DTNB: variants seen among roughly 807,000 people sequenced by gnomAD.
DTNB encodes dystrobrevin beta, also known as DTN-B.
In DTNB, 63 loss-of-function variants were observed where a neutral mutation model predicts 90.7. The ratio of observed to expected loss-of-function variants is 0.69; its 90% CI spans 0.57 to 0.86. The LOEUF (loss-of-function observed/expected upper bound fraction) is 0.86, where lower values mean the gene tolerates loss of function less well. Among genes scored for constraint, DTNB ranks in the 40% least tolerant of loss-of-function variants. The pLI is 0.00. For missense variants in DTNB, 744 were observed against 807.1 expected (o/e 0.92, Z 0.95); for synonymous variants, 277 against 286.7 (o/e 0.97, Z 0.34).
intron 1 of DTNB, among the ~76,000 whole-genome samples, chr2:25,662,420 GA>G (rs1365028377): frequency 6.6e-6 from 1 of 152,014 alleles, no homozygotes; most frequent in Non-Finnish European, 1.5e-5. Context: ...AGTTACAAGA[GA>G]ATACATAAAA....
intron 6 of DTNB, among the ~76,000 whole-genome samples, chr2:25,587,120 G>A (rs555843521): frequency 1.6e-4 from 25 of 152,256 alleles, no homozygotes; most frequent in South Asian, 6.2e-4. Context: ...CAGGAATGGC[G>A]GTGAAAAGGT....
At chr2:25,615,909 T>C (rs964124550) in intron 4 of DTNB, among the ~76,000 whole-genome samples, 3 of 152,202 alleles carry the variant, frequency 2.0e-5, no homozygotes, top group Admixed American at 6.5e-5. Flanking sequence ...CCTGTTCTTA[T>C]GTTGAAAAAG....
At chr2:25,507,513 T>G (rs2072752121) in intron 9 of DTNB, among the ~76,000 whole-genome samples, 2 of 152,154 alleles carry the variant, frequency 1.3e-5, no homozygotes, top group Non-Finnish European at 2.9e-5. Flanking sequence ...TGACCTCTCC[T>G]TCTCACTCTC....
At chr2:25,427,717 G>T in intron 14 of DTNB, 86 bp from the exon 15 acceptor site, 1 of 1,272,254 alleles carries the variant, frequency 7.9e-7, no homozygotes, top group Non-Finnish European at 1.1e-6. Flanking sequence ...ACCTGATCCT[G>T]CTACTTACCA....
Position 25,673,480 on chromosome 2 carries a change from A to C in DTNB, c.-96T>G, listed in dbSNP as rs2086604478. On this transcript the variant is annotated 5_prime_UTR_variant, in exon 1 of 21. Transcript: ENST00000406818. Reference sequence around the variant, plus strand: ...CCGGCCCAGCCCCCTCGGCTGAGGCAGCGGCAGCGCCTACTCAGGCCCCGG... The same window carrying C: ...CCGGCCCAGCCCCCTCGGCTGAGGCCGCGGCAGCGCCTACTCAGGCCCCGG... 6.6e-6 allele frequency: 1 copy of C among 150,908 alleles called. No individual in the cohort carries two copies. The highest frequency in any genetic ancestry group is 1.5e-5 in the Non-Finnish European group (1 of 67,576). The allele number at this position is 150,908 out of a possible 1,614,324, so 9.3% of individuals were successfully genotyped here.
intron 3 of DTNB, among the ~76,000 whole-genome samples, chr2:25,636,564 A>AT: frequency 6.6e-6 from 1 of 152,284 alleles, no homozygotes; most frequent in Admixed American, 6.5e-5. Context: ...ACAGAAATAT[A>AT]TTTAAATCAT....
At chr2:25,610,946 G>C (rs1266255549) in intron 4 of DTNB, among the ~76,000 whole-genome samples, 1 of 152,160 alleles carries the variant, frequency 6.6e-6, no homozygotes, top group Non-Finnish European at 1.5e-5. Flanking sequence ...CTGACTTCAG[G>C]TGATCCACCC....
chr2:25,504,006 G>A (rs962627742), intron 9 of DTNB, among the ~76,000 whole-genome samples: 10 of 152,124 alleles, frequency 6.6e-5, no homozygotes, highest in Middle Eastern at 3.2e-3. Flanking sequence ...AGTGGCTCAC[G>A]CCTGTAATCC....
At chr2:25,463,417 C>T (rs929488424) in intron 10 of DTNB, among the ~76,000 whole-genome samples, 2 of 152,204 alleles carry the variant, frequency 1.3e-5, no homozygotes, top group African/African-American at 4.8e-5. Context: ...CCCCAATAGC[C>T]TCTTGACTGT....
chr2:25,576,903 A>C lies in DTNB; in HGVS notation c.811T>G (p.Phe271Val). The change falls in exon 8 of 21, where the codon TTT becomes GTT. Residue 271 changes from phenylalanine to valine, a missense_variant. Physicochemically the swap from Phe to Val is conservative, Grantham distance 50 (BLOSUM62 -1). Transcript: ENST00000406818. ...CHNYQLCQNC[F>V]WRGHAGGPHS... ...GGGCCGCCGGCATGGCCACGCCAAAAGCAATTCTGGCAGAGCTGATAGTTG... is the reference window on the plus strand; with the variant it reads ...GGGCCGCCGGCATGGCCACGCCAAACGCAATTCTGGCAGAGCTGATAGTTG... 2 of 1,613,486 alleles carry C rather than the reference A, an allele frequency of 1.2e-6. No individual in the cohort carries two copies. The highest frequency in any genetic ancestry group is 1.1e-5 in the South Asian group (1 of 90,886).
At chr2:25,625,551 A>ATTTTTTTTTTTTTTTTTTTTTTTTTT (rs66586812) in intron 4 of DTNB, among the ~76,000 whole-genome samples, 2 of 73,946 alleles carry the variant, frequency 2.7e-5, no homozygotes, top group Admixed American at 1.6e-4. Context: ...TAACTCACTC[A>ATTTTTTTTTTTTTTTTTTTTTTTTTT]TTTTTTTTTT....
chr2:25,608,087 A>T (rs1031090094), intron 4 of DTNB, among the ~76,000 whole-genome samples: 3 of 152,216 alleles, frequency 2.0e-5, no homozygotes, highest in Admixed American at 6.5e-5. Flanking sequence ...AGCAGATAAA[A>T]ACTTCACTAG....
At chr2:25,572,653 G>GT (rs2060055761) in intron 8 of DTNB, among the ~76,000 whole-genome samples, 1 of 150,800 alleles carries the variant, frequency 6.6e-6, no homozygotes, top group East Asian at 1.9e-4. Context: ...GTTCTCAGAG[G>GT]TTTTTTGTTT....
chr2:25,586,924 A>G (rs1186171806), intron 6 of DTNB, among the ~76,000 whole-genome samples: 1 of 152,232 alleles, frequency 6.6e-6, no homozygotes, highest in African/African-American at 2.4e-5. Flanking sequence ...CTCACCCATC[A>G]GATTGGCAAA....
At chr2:25,620,186 T>C (rs1208366912) in intron 4 of DTNB, among the ~76,000 whole-genome samples, 1 of 152,038 alleles carries the variant, frequency 6.6e-6, no homozygotes, top group Non-Finnish European at 1.5e-5. Context: ...AAAATGAGCA[T>C]GTCATATTGG....
At chr2:25,661,639 G>A (rs907253101) in intron 1 of DTNB, among the ~76,000 whole-genome samples, 3 of 152,128 alleles carry the variant, frequency 2.0e-5, no homozygotes, top group Non-Finnish European at 4.4e-5. Flanking sequence ...TGACAGAAGC[G>A]TTTGCTCTAC....
At chr2:25,464,422 T>C (rs1397643206) in intron 10 of DTNB, among the ~76,000 whole-genome samples, 1 of 152,098 alleles carries the variant, frequency 6.6e-6, no homozygotes, top group Non-Finnish European at 1.5e-5. Flanking sequence ...TTGGAACAAT[T>C]TGAGCAACAA....
intron 7 of DTNB, among the ~76,000 whole-genome samples, chr2:25,579,381 T>C (rs975563989): frequency 9.8e-5 from 15 of 152,306 alleles, no homozygotes; most frequent in Middle Eastern, 3.4e-3. Flanking sequence ...GAAGTATGGA[T>C]AGGAAAGCGA....
chr2:25,455,304 C>A, intron 11 of DTNB, 101 bp downstream of exon 11: 1 of 1,090,294 alleles, frequency 9.2e-7, no homozygotes, highest in Admixed American at 2.6e-5. Flanking sequence ...TCAAGAAAAA[C>A]CTGACATGCA....
Sources: gnomAD v4.1 joint callset for allele counts (sites outside exome capture counted in the v4.1 genomes callset) on GRCh38, gnomAD v4.1.1 for gene constraint, MANE v1.5 for transcripts, NCBI Gene and HGNC (gene_info 2026-07-23, HGNC 2026-07-21) for gene names.